RGS6: variants seen among roughly 807,000 people sequenced by gnomAD.
RGS6 encodes regulator of G-protein signaling 6.
A neutral mutation model predicts 78.5 loss-of-function variants in RGS6; 30 were observed. The observed-to-expected ratio is 0.38, with a 90% CI of 0.29 to 0.52. The LOEUF is 0.52. Ranked by LOEUF, RGS6 falls within the 20% of genes least tolerant of loss-of-function variation. The probability of loss-of-function intolerance (pLI) is 0.85; values close to 1 mark genes in which losing one functional copy is unlikely to be tolerated. For missense variants in RGS6, 495 were observed against 609.7 expected, an observed-to-expected ratio of 0.81 and a Z score of 1.98; for synonymous variants, 206 against 206.0, an observed-to-expected ratio of 1.00 and a Z score of 0.00.
intron 2 of RGS6, among the ~76,000 whole-genome samples, chr14:72,351,750 ATG>A (rs1318210255): frequency 2.6e-5 from 4 of 152,202 alleles, no homozygotes; most frequent in Admixed American, 2.6e-4. Context: ...TTCAACCTAT[ATG>A]TAAACCCAAT....
At chr14:72,113,669 G>A (rs1294080906) in intron 2 of RGS6, among the ~76,000 whole-genome samples, 1 of 152,236 alleles carries the variant, frequency 6.6e-6, no homozygotes, top group Non-Finnish European at 1.5e-5. Flanking sequence ...TCTGCTGCAG[G>A]TGGTGGCTGT....
chr14:72,333,404 T>G (rs977710172), intron 2 of RGS6, among the ~76,000 whole-genome samples: 1 of 152,116 alleles, frequency 6.6e-6, no homozygotes, highest in Non-Finnish European at 1.5e-5. Context: ...GGACCTGCGT[T>G]GGTATCTCAC....
chr14:72,374,694 A>G (rs770769728), intron 3 of RGS6, among the ~76,000 whole-genome samples: 1 of 152,260 alleles, frequency 6.6e-6, no homozygotes, highest in South Asian at 2.1e-4. Flanking sequence ...GTCAGCAAAG[A>G]GCACAAATGG....
chr14:72,173,772 G>T (rs1290767513), intron 2 of RGS6, among the ~76,000 whole-genome samples: 1 of 151,894 alleles, frequency 6.6e-6, no homozygotes, highest in Middle Eastern at 3.2e-3. Context: ...CTCTCCTTGG[G>T]GCTATGGTAC....
At chr14:72,519,112 A>C (rs2096994403) in intron 15 of RGS6, among the ~76,000 whole-genome samples, 1 of 152,254 alleles carries the variant, frequency 6.6e-6, no homozygotes, top group African/African-American at 2.4e-5. Flanking sequence ...CAACAGTGTG[A>C]AAAGTGCCCC....
At chr14:72,152,992 A>C (rs923910843) in intron 2 of RGS6, among the ~76,000 whole-genome samples, 1 of 152,144 alleles carries the variant, frequency 6.6e-6, no homozygotes, top group Non-Finnish European at 1.5e-5. Flanking sequence ...ACCCAGGAAG[A>C]GGAGGGGCCA....
chr14:71,981,971 T>C (rs1356289849), intron 2 of RGS6, among the ~76,000 whole-genome samples: 15 of 149,014 alleles, frequency 1.0e-4, no homozygotes, highest in South Asian at 2.2e-4. Context: ...GAGCCAGGTG[T>C]GGGATATAAT....
the RGS6 span, among the ~76,000 whole-genome samples, chr14:71,919,713 G>T: frequency 1.3e-5 from 2 of 152,168 alleles, no homozygotes; most frequent in Non-Finnish European, 2.9e-5. Context: ...AATTTTTTAA[G>T]CTGGGCGCGG....
At chr14:72,082,166 T>TA (rs1013970802) in intron 2 of RGS6, among the ~76,000 whole-genome samples, 1 of 151,598 alleles carries the variant, frequency 6.6e-6, no homozygotes, top group African/African-American at 2.4e-5. Flanking sequence ...TTTTAGGATT[T>TA]AAAAAAAAAT....
At chr14:71,923,251 G>C in the RGS6 span, among the ~76,000 whole-genome samples, 1 of 152,228 alleles carries the variant, frequency 6.6e-6, no homozygotes, top group Non-Finnish European at 1.5e-5. Flanking sequence ...GGTGTGAGTA[G>C]AGAATTGTCC....
intron 2 of RGS6, among the ~76,000 whole-genome samples, chr14:72,271,914 G>A (rs901284179): frequency 7.6e-5 from 11 of 145,210 alleles, no homozygotes; most frequent in African/African-American, 2.9e-4. Flanking sequence ...CCTTAACACA[G>A]CATCACTTTT....
intron 13 of RGS6, 92 bp downstream of exon 13, chr14:72,495,354 AT>A: frequency 1.1e-6 from 1 of 877,944 alleles, no homozygotes; most frequent in Non-Finnish European, 1.9e-6. Flanking sequence ...TTAATTTGAC[AT>A]TTTTTATCGC....
At chr14:72,420,904 A>G (rs1386498279) in intron 3 of RGS6, 2 of 152,228 alleles carry the variant, frequency 1.3e-5, no homozygotes, top group Admixed American at 6.5e-5. Context: ...AGTTGCCTGC[A>G]GAAGCCTTGT....
chr14:72,313,880 T>C (rs1204929403), intron 2 of RGS6, among the ~76,000 whole-genome samples: 1 of 152,226 alleles, frequency 6.6e-6, no homozygotes, highest in Non-Finnish European at 1.5e-5. Flanking sequence ...CTAAGCACAA[T>C]TGAGGCAGAT....
At chr14:72,103,494 C>A (rs2095568468) in intron 2 of RGS6, among the ~76,000 whole-genome samples, 1 of 152,202 alleles carries the variant, frequency 6.6e-6, no homozygotes, top group Admixed American at 6.5e-5. Context: ...TAGCAGCAAT[C>A]ATCAAACCAA....
intron 2 of RGS6, among the ~76,000 whole-genome samples, chr14:71,976,806 T>C (rs539077975): frequency 0.012 from 1,791 of 150,546 alleles, 15 homozygotes; most frequent in Non-Finnish European, 0.017. Context: ...CAAATGGTAT[T>C]TCTAGTTCTA....
At chr14:72,307,297 T>A (rs1388847618) in intron 2 of RGS6, among the ~76,000 whole-genome samples, 1 of 146,550 alleles carries the variant, frequency 6.8e-6, no homozygotes. Context: ...TTCATGTGAC[T>A]TGCTTTATTT....
At chr14:72,047,263 C>T (rs970645555) in intron 2 of RGS6, among the ~76,000 whole-genome samples, 6 of 152,150 alleles carry the variant, frequency 3.9e-5, no homozygotes, top group African/African-American at 1.4e-4. Flanking sequence ...CATGATTAAA[C>T]AATGTTGTTT....
the RGS6 span, among the ~76,000 whole-genome samples, chr14:72,617,993 G>A: frequency 6.6e-6 from 1 of 152,038 alleles, no homozygotes; most frequent in East Asian, 1.9e-4. Flanking sequence ...TCCAGCCCTC[G>A]GGGCTATCTT....
Sources: gnomAD v4.1 joint callset for allele counts (sites outside exome capture counted in the v4.1 genomes callset) on GRCh38, gnomAD v4.1.1 for gene constraint, MANE v1.5 for transcripts, NCBI Gene and HGNC (gene_info 2026-07-23, HGNC 2026-07-21) for gene names.